CERS3: variants seen among roughly 807,000 people sequenced by gnomAD.
CERS3 encodes LAG1 homolog, ceramide synthase 3.
Under a neutral mutation model 50.3 loss-of-function variants are expected in CERS3, and 33 were observed. The observed-to-expected ratio is 0.66, with a 90% CI of 0.50 to 0.88. The LOEUF is 0.88. Ranked by LOEUF, CERS3 falls within the 40% of genes least tolerant of loss-of-function variation. The probability of loss-of-function intolerance (pLI) is 0.00; values close to 1 mark genes in which losing one functional copy is unlikely to be tolerated. For synonymous variants in CERS3, 176 were observed against 155.2 expected, an observed-to-expected ratio of 1.13 and a Z score of -0.99; for missense variants, 470 against 460.3, an observed-to-expected ratio of 1.02 and a Z score of -0.19.
intron 10 of CERS3, among the ~76,000 whole-genome samples, chr15:100,463,325 C>T (rs1460066931): frequency 6.7e-6 from 1 of 150,064 alleles, no homozygotes; most frequent in Non-Finnish European, 1.5e-5. Flanking sequence ...GTCCCAGCAA[C>T]TCAGGAGGCT....
At chr15:100,464,188 G>C (rs2034639826) in intron 10 of CERS3, among the ~76,000 whole-genome samples, 1 of 152,170 alleles carries the variant, frequency 6.6e-6, no homozygotes, top group South Asian at 2.1e-4. Context: ...TGTATCCTTG[G>C]AAGTAAGGGA....
At chr15:100,430,171 T>C (rs11633782) in intron 11 of CERS3, among the ~76,000 whole-genome samples, 41,612 of 150,810 alleles carry the variant, frequency 0.28, 5,875 homozygotes, top group East Asian at 0.4. Context: ...AGTTAGCCAG[T>C]TGTGGTGGGG....
chr15:100,525,566 T>G (rs922744992), intron 1 of CERS3, among the ~76,000 whole-genome samples: 1 of 152,340 alleles, frequency 6.6e-6, no homozygotes, highest in East Asian at 1.9e-4. Flanking sequence ...CCATTTACAA[T>G]TGAACATCTG....
intron 7 of CERS3, among the ~76,000 whole-genome samples, chr15:100,477,163 G>T (rs1385281202): frequency 1.3e-5 from 2 of 152,170 alleles, no homozygotes; most frequent in Admixed American, 6.6e-5. Context: ...TTGTTTGAAG[G>T]CACTAAGTTT....
intron 11 of CERS3, among the ~76,000 whole-genome samples, chr15:100,438,407 T>C (rs2033529474): frequency 6.6e-6 from 1 of 152,164 alleles, no homozygotes; most frequent in Non-Finnish European, 1.5e-5. Context: ...TGTATACATA[T>C]ATATATTTTA....
At chr15:100,470,812 A>G (rs997124779) in intron 9 of CERS3, among the ~76,000 whole-genome samples, 3 of 152,326 alleles carry the variant, frequency 2.0e-5, no homozygotes, top group Admixed American at 6.5e-5. Flanking sequence ...AAAGAAGGTC[A>G]CTTACGAGTG....
At chr15:100,540,447 G>A (rs2037173429) in intron 1 of CERS3, among the ~76,000 whole-genome samples, 1 of 152,180 alleles carries the variant, frequency 6.6e-6, no homozygotes, top group South Asian at 2.1e-4. Flanking sequence ...GGGAGGCTGA[G>A]GAAGGAGAAT....
chr15:100,538,769 T>C (rs1484460178), intron 1 of CERS3, among the ~76,000 whole-genome samples: 2 of 152,238 alleles, frequency 1.3e-5, no homozygotes, highest in Non-Finnish European at 2.9e-5. Flanking sequence ...GAACGTTTGG[T>C]TCCTTGTTAC....
chr15:100,523,789 G>C (rs1258713290), intron 1 of CERS3, among the ~76,000 whole-genome samples: 1 of 151,970 alleles, frequency 6.6e-6, no homozygotes, highest in Admixed American at 6.6e-5. Flanking sequence ...TGTTCAGTAG[G>C]AAGAAAACTG....
chr15:100,443,129 C>T (rs1201011649), intron 11 of CERS3, among the ~76,000 whole-genome samples: 1 of 151,534 alleles, frequency 6.6e-6, no homozygotes, highest in African/African-American at 2.4e-5. Flanking sequence ...TGCCCTTCTT[C>T]CCAATCCAAA....
At chr15:100,423,457 T>C (rs117093589) in intron 11 of CERS3, among the ~76,000 whole-genome samples, 5,819 of 152,264 alleles carry the variant, frequency 0.038, 276 homozygotes, top group East Asian at 0.21. Context: ...AACAAAATCA[T>C]GTCCTTTGGA....
chr15:100,462,413 AG>A (rs1225317176), intron 10 of CERS3, among the ~76,000 whole-genome samples: 1 of 152,206 alleles, frequency 6.6e-6, no homozygotes, highest in Non-Finnish European at 1.5e-5. Flanking sequence ...TTGCAAGGTA[AG>A]GGTCTTATTT....
intron 11 of CERS3, among the ~76,000 whole-genome samples, chr15:100,412,888 T>C (rs1183152345): frequency 1.3e-5 from 2 of 152,090 alleles, no homozygotes; most frequent in African/African-American, 2.4e-5. Context: ...CTCCGGAGAG[T>C]ATCTGGTCTG....
chr15:100,420,683 A>G (rs1428432689), intron 11 of CERS3, among the ~76,000 whole-genome samples: 3 of 151,468 alleles, frequency 2.0e-5, no homozygotes, highest in African/African-American at 4.8e-5. Context: ...AAAATCCTCA[A>G]TAAAATACTG....
At chr15:100,541,611 C>A (rs2142440830) in intron 1 of CERS3, among the ~76,000 whole-genome samples, 1 of 152,238 alleles carries the variant, frequency 6.6e-6, no homozygotes, top group South Asian at 2.1e-4. Flanking sequence ...TGTGAGCTAG[C>A]CTGTTTCTTT....
intron 1 of CERS3, among the ~76,000 whole-genome samples, chr15:100,543,825 T>A (rs2037265214): frequency 6.6e-6 from 1 of 152,198 alleles, no homozygotes; most frequent in African/African-American, 2.4e-5. Context: ...CCACCGCACG[T>A]GGCTGTGGGT....
intron 11 of CERS3, among the ~76,000 whole-genome samples, chr15:100,454,898 G>A (rs2034308602): frequency 6.6e-6 from 1 of 151,816 alleles, no homozygotes; most frequent in Admixed American, 6.6e-5. Context: ...AAATAATAAT[G>A]ATAATTCCAT....
chr15:100,434,103 C>T (rs1412652946), intron 11 of CERS3, among the ~76,000 whole-genome samples: 1 of 152,204 alleles, frequency 6.6e-6, no homozygotes, highest in Non-Finnish European at 1.5e-5. Flanking sequence ...GAGTCAGTTC[C>T]ATTCCTTTGA....
At chr15:100,461,117 G>T (rs539353090) in intron 10 of CERS3, among the ~76,000 whole-genome samples, 19 of 152,244 alleles carry the variant, frequency 1.2e-4, no homozygotes, top group African/African-American at 2.4e-4. Flanking sequence ...AAGCTTGGCT[G>T]GTTTTAGAAA....
Sources: gnomAD v4.1 joint callset for allele counts (sites outside exome capture counted in the v4.1 genomes callset) on GRCh38, gnomAD v4.1.1 for gene constraint, MANE v1.5 for transcripts, NCBI Gene and HGNC (gene_info 2026-07-23, HGNC 2026-07-21) for gene names.